Variants in SBF2 observed in about 807,000 individuals in gnomAD.
SBF2 encodes the protein myotubularin-related protein 13.
In SBF2, 112 loss-of-function variants were observed where a neutral mutation model predicts 225.2. That is an observed-to-expected ratio of 0.50 (90% confidence interval 0.43 to 0.58). SBF2 has a LOEUF of 0.58. SBF2 is among the 20% of genes least tolerant of loss of function. The pLI is 0.00. For synonymous variants in SBF2, 763 were observed against 773.3 expected (o/e 0.99, Z 0.22); for missense variants, 1,996 against 2,206.2 (o/e 0.90, Z 1.91).
intron 16 of SBF2, among the ~76,000 whole-genome samples, chr11:9,906,678 T>C (rs1862147471): frequency 6.6e-6 from 1 of 152,248 alleles, no homozygotes; most frequent in African/African-American, 2.4e-5. Flanking sequence ...ATTGTGTGGT[T>C]ATCTGTTGGG....
chr11:10,293,051 T>A lies in SBF2; in HGVS notation c.55+964A>T, dbSNP rs370889098. ...ATCAGGAAAACACAATCTCAGCATC[T>A]CTGAAAAATGAAGGGGCTGTAGAGC... On this transcript the variant is annotated intron_variant, in intron 1 of 39. Transcript: ENST00000256190. 1.3e-4 allele frequency among the ~76,000 whole-genome samples: 20 copies of A among 152,280 alleles called. No individual in the cohort carries two copies. The South Asian group carries it at 3.9e-3, about 30-fold the overall frequency.
At chr11:10,233,460 C>A (rs1565383649) in intron 1 of SBF2, among the ~76,000 whole-genome samples, 1 of 151,964 alleles carries the variant, frequency 6.6e-6, no homozygotes, top group African/African-American at 2.4e-5. Flanking sequence ...ATTTCATAAT[C>A]TTAATCTTAT....
chr11:9,914,900 T>C (rs1278520866), intron 16 of SBF2, among the ~76,000 whole-genome samples: 6 of 118,690 alleles, frequency 5.1e-5, no homozygotes, highest in Non-Finnish European at 6.6e-5. Context: ...TTACAGGGTG[T>C]TTATAGTGGG....
intron 17 of SBF2, among the ~76,000 whole-genome samples, chr11:9,893,742 G>C (rs1471326291): frequency 1.3e-5 from 2 of 152,136 alleles, no homozygotes. Flanking sequence ...CTTGAAATTC[G>C]ATGCCATCCA....
chr11:10,240,117 CA>C (rs1228224183), intron 1 of SBF2, among the ~76,000 whole-genome samples: 1 of 151,956 alleles, frequency 6.6e-6, no homozygotes, highest in Non-Finnish European at 1.5e-5. Context: ...ATACATGAGA[CA>C]AAAGTCCCCA....
At chr11:10,160,985 G>C (rs181004063) in intron 2 of SBF2, among the ~76,000 whole-genome samples, 1 of 151,938 alleles carries the variant, frequency 6.6e-6, no homozygotes, top group Non-Finnish European at 1.5e-5. Flanking sequence ...CCAGGAGTTC[G>C]AGACACGCCT....
At chr11:10,155,650 T>C (rs186922969) in intron 2 of SBF2, among the ~76,000 whole-genome samples, 6 of 152,234 alleles carry the variant, frequency 3.9e-5, no homozygotes, top group African/African-American at 1.4e-4. Flanking sequence ...AGTTAAATAA[T>C]GTTTGTATTT....
intron 2 of SBF2, among the ~76,000 whole-genome samples, chr11:10,049,858 C>A (rs949848924): frequency 1.3e-5 from 2 of 152,110 alleles, no homozygotes; most frequent in Non-Finnish European, 2.9e-5. Context: ...CCAAAAATAT[C>A]TTTCAAAATC....
chr11:10,219,717 A>C (rs1958271865), intron 1 of SBF2, among the ~76,000 whole-genome samples: 1 of 152,218 alleles, frequency 6.6e-6, no homozygotes, highest in Non-Finnish European at 1.5e-5. Context: ...AAAGTTCCAC[A>C]GACCTCTAGG....
chr11:10,274,178 TAGA>T (rs1336301178), intron 1 of SBF2, among the ~76,000 whole-genome samples: 1 of 152,164 alleles, frequency 6.6e-6, no homozygotes, highest in Admixed American at 6.5e-5. Context: ...ACTGGAGAAA[TAGA>T]AGAACTGGAG....
chr11:9,973,838 A>G (rs1345361201), intron 13 of SBF2, among the ~76,000 whole-genome samples: 2 of 152,352 alleles, frequency 1.3e-5, no homozygotes, highest in South Asian at 2.1e-4. Context: ...GGGAAAAAGA[A>G]AATTTTTCCT....
At chr11:10,294,370 C>T (rs1964395806), upstream of SBF2, among the ~76,000 whole-genome samples, 1 of 152,156 alleles carries the variant, frequency 6.6e-6, no homozygotes, top group Admixed American at 6.5e-5. Flanking sequence ...GTGTTCCCGC[C>T]ACGCGCCGCC....
chr11:10,281,887 G>C (rs957021684), intron 1 of SBF2, among the ~76,000 whole-genome samples: 1 of 152,052 alleles, frequency 6.6e-6, no homozygotes, highest in Non-Finnish European at 1.5e-5. Context: ...AGTACCCCCA[G>C]ACCTCCAGGT....
At chr11:9,820,259 G>GT (rs1854676389) in intron 28 of SBF2, among the ~76,000 whole-genome samples, 1 of 152,176 alleles carries the variant, frequency 6.6e-6, no homozygotes, top group African/African-American at 2.4e-5. Flanking sequence ...ATCATTACAA[G>GT]TGAGTTTTCA....
chr11:10,196,518 G>A (rs1957359931), intron 1 of SBF2, among the ~76,000 whole-genome samples: 1 of 151,770 alleles, frequency 6.6e-6, no homozygotes, highest in African/African-American at 2.4e-5. Context: ...AGCTGGGACT[G>A]CAGGTGCAGA....
intron 6 of SBF2, among the ~76,000 whole-genome samples, chr11:10,025,457 C>A (rs1444138127): frequency 6.6e-6 from 1 of 152,096 alleles, no homozygotes; most frequent in East Asian, 1.9e-4. Flanking sequence ...TAGTACTGAT[C>A]AGCTTCTCAG....
At chr11:10,074,625 T>C (rs187110143) in intron 2 of SBF2, among the ~76,000 whole-genome samples, 114 of 152,314 alleles carry the variant, frequency 7.5e-4, no homozygotes, top group Non-Finnish European at 1.2e-3. Flanking sequence ...GATTAAAAAA[T>C]ATTTGCACTG....
At chr11:9,915,471 C>G (rs1047742264) in intron 16 of SBF2, 2 of 147,908 alleles carry the variant, frequency 1.4e-5, no homozygotes, top group Non-Finnish European at 3.0e-5. Flanking sequence ...AAAAGAAATT[C>G]TAGCTGATAA....
At position 9,979,274 on chromosome 11, in the gene SBF2, T is replaced by C. The variant is rs951518745; in HGVS notation, c.1395+10223A>G. Reference sequence around the variant, plus strand: ...GCTTAATTCCATGCCTGGCACAATATAGCTAACTGCTCTCATGCAGACACT... The same window carrying C: ...GCTTAATTCCATGCCTGGCACAATACAGCTAACTGCTCTCATGCAGACACT... On this transcript the variant is annotated intron_variant, in intron 13 of 39. Transcript: ENST00000256190. Among the ~76,000 whole-genome samples the C allele has an allele frequency of 2.6e-5, 4 of 152,168 alleles. No homozygotes were observed. The East Asian group carries it at 7.7e-4, about 29-fold the overall frequency.
Sources: allele counts gnomAD v4.1 joint callset (sites outside exome capture counted in the v4.1 genomes callset), GRCh38; gene constraint gnomAD v4.1.1; transcripts MANE v1.5; gene names NCBI Gene and HGNC (gene_info 2026-07-23, HGNC 2026-07-21).